FASN: variants seen among roughly 807,000 people sequenced by gnomAD.
The protein encoded by FASN is 3-hydroxyacyl-[acyl-carrier-protein] dehydratase.
FASN carries 50 observed loss-of-function variants against 250.0 expected under a neutral mutation model. That is an observed-to-expected ratio of 0.20 (90% CI 0.16 to 0.25). The LOEUF (loss-of-function observed/expected upper bound fraction) is 0.25, where lower values mean the gene tolerates loss of function less well. Among genes scored for constraint, FASN ranks in the 10% least tolerant of loss-of-function variants. FASN has a pLI of 1.00. For missense variants in FASN, 3,031 were observed against 3,498.5 expected, an observed-to-expected ratio of 0.87 and a Z score of 3.37; for synonymous variants, 1,909 against 1,584.0, an observed-to-expected ratio of 1.21 and a Z score of -4.87.
rs1206855816 is a variant in FASN at position 82,089,233 on chromosome 17, A to AG, written c.2100+16dup. On this transcript the variant is annotated intron_variant, in intron 13 of 42. Coordinates refer to ENST00000306749, the MANE Select transcript of FASN (RefSeq NM_004104.5). Reference sequence around the variant, plus strand: ...TCCCCTGGCCCGCCCCGCACCCCCCAGGCCGTATTAGTCCACCTTCTTGAG... The same window carrying AG: ...TCCCCTGGCCCGCCCCGCACCCCCCAGGGCCGTATTAGTCCACCTTCTTGAG... 5 of 1,611,768 alleles carry AG rather than the reference A, an allele frequency of 3.1e-6. No individual in the cohort carries two copies. Among genetic ancestry groups the AG allele is most frequent in the Non-Finnish European group, 4.2e-6 (5 of 1,179,580 alleles).
chr17:82,087,749 C>T lies in FASN; in HGVS notation c.2979G>A (p.Glu993=). The T allele has an allele frequency of 6.2e-7, 1 of 1,612,532 alleles. No individual in the cohort carries two copies. The highest frequency in any genetic ancestry group is 8.5e-7 in the Non-Finnish European group (1 of 1,179,998). Residue 993 remains glutamate, a synonymous_variant, in exon 19 of 43, where the codon GAG becomes GAA. Coordinates refer to ENST00000306749, the MANE Select transcript of FASN (RefSeq NM_004104.5). ...CGTAGTCGTAGCCACGCAGACGCAG[C>T]TCCTTGTAAACTTCAGCCTGGGCCA... ...LFLAQAEVYK[E]LRLRGYDYGP... is the part of the protein sequence containing the mutation.
intron 8 of FASN, among the ~76,000 whole-genome samples, chr17:82,092,198 C>T (rs909557090): frequency 6.6e-6 from 1 of 152,188 alleles, no homozygotes; most frequent in Admixed American, 6.5e-5. Flanking sequence ...GCTCCTCCAG[C>T]TCGGCTCCGT....
intron 15 of FASN, 57 bp from the exon 16 acceptor site, chr17:82,088,619 G>A (rs2144797311): frequency 1.3e-6 from 2 of 1,572,566 alleles, no homozygotes; most frequent in East Asian, 2.3e-5. Context: ...GGGGCTCTGG[G>A]TTCAGCCCAC....
At chr17:82,086,960 C>G in intron 21 of FASN, 90 bp downstream of exon 21, 1 of 1,476,474 alleles carries the variant, frequency 6.8e-7, no homozygotes, top group Non-Finnish European at 9.3e-7. Context: ...AAGGGGGCCC[C>G]GTGGAGAAGC....
At chr17:82,086,945 C>T in intron 21 of FASN, 105 bp downstream of exon 21, 1 of 1,341,536 alleles carries the variant, frequency 7.5e-7, no homozygotes, top group Non-Finnish European at 1.0e-6. Flanking sequence ...GGGTTGCTGA[C>T]CCCAAAGGGG....
rs2034017311 is a variant in FASN at position 82,082,933 on chromosome 17, A to G, written c.5748T>C (p.Ser1916=). The G allele has an allele frequency of 2.5e-6, 4 of 1,612,642 alleles. No homozygotes were observed. The highest frequency in any genetic ancestry group is 3.4e-6 in the Non-Finnish European group (4 of 1,179,966). Residue 1916 remains serine (S), a synonymous_variant, in exon 33 of 43, where the codon TCT becomes TCC. Coordinates refer to ENST00000306749, the MANE Select transcript of FASN (RefSeq NM_004104.5). ...ACTCACCTGTCCGGATCCCGGAGCG[A>G]GAAGTCAACACGAGCTTCTGCACCC... ...QRGVQKLVLT[S]RSGIRTGYQA...
Position 82,090,534 on chromosome 17 carries a change from C to T in FASN, c.1711G>A (p.Gly571Arg), listed in dbSNP as rs770510226. 2 of 1,612,028 alleles carry T rather than the reference C, an allele frequency of 1.2e-6. No homozygotes were observed. Among genetic ancestry groups the T allele is most frequent in the Non-Finnish European group, 1.7e-6 (2 of 1,179,650 alleles). The change falls in exon 11 of 43, where the codon GGG (glycine) becomes AGG (arginine). Residue 571 changes from glycine (G) to arginine (R), a missense_variant. Physicochemically the swap from Gly to Arg is moderately radical, Grantham distance 125. Coordinates refer to ENST00000306749, the MANE Select transcript of FASN (RefSeq NM_004104.5). ...IGLIDLLSCM[G>R]LRPDGIVGHS... is the part of the protein sequence containing the mutation. ...CCGACGATGCCATCTGGCCTCAGCC[C>T]CATGCAGCTCAGCAGGTCTATGAGG...
Position 82,083,469 on chromosome 17 carries a change from A to T in FASN, c.5342-44T>A, listed in dbSNP as rs370628658. ...CTCACCCAGGGCCTTCCACAGGTCC[A>T]CCCACACCCATCCATGCCCACCCCC... On this transcript the variant is annotated intron_variant, in intron 31 of 42. Transcript: ENST00000306749. 5.0e-6 allele frequency: 8 copies of T among 1,612,506 alleles called. No homozygotes were observed. The African/African-American group carries it at 1.1e-4, about 22-fold the overall frequency.
At chr17:82,089,195 G>A in intron 13 of FASN, 23 bp from the exon 14 acceptor site, 1 of 1,600,240 alleles carries the variant, frequency 6.2e-7, no homozygotes, top group Non-Finnish European at 8.5e-7. Flanking sequence ...CCAGGTCAGT[G>A]CTGGGTTGTG....
Position 82,095,412 on chromosome 17 carries a change from G to C in FASN, c.188C>G (p.Ser63Cys). ...KLKDLSRFDA[S>C]FFGVHPKQAH... ...CTGCTTGGGGTGGACTCCGAAGAAG[G>C]AGGCATCAAACCTAGACAGGTCCTT... is the stretch of plus-strand genomic sequence containing the variant. Residue 63 changes from serine (S) to cysteine (C), a missense_variant, in exon 3 of 43, where the codon TCC (serine) becomes TGC (cysteine). Ser to Cys is a moderately radical substitution (Grantham distance 112). Coordinates refer to ENST00000306749, the MANE Select transcript of FASN (RefSeq NM_004104.5). 6.2e-7 allele frequency: 1 copy of C among 1,613,000 alleles called. No individual in the cohort carries two copies. The highest frequency in any genetic ancestry group is 8.5e-7 in the Non-Finnish European group (1 of 1,180,012).
At chr17:82,095,819 C>T (rs1366000214) in intron 2 of FASN, among the ~76,000 whole-genome samples, 1 of 152,234 alleles carries the variant, frequency 6.6e-6, no homozygotes, top group East Asian at 1.9e-4. Context: ...TAGAGCTGCT[C>T]TGTGGAAGAG....
At chr17:82,083,745 C>T (rs922316710) in intron 30 of FASN, 27 bp downstream of exon 30, 36 of 1,610,896 alleles carry the variant, frequency 2.2e-5, no homozygotes, top group Non-Finnish European at 3.1e-5. Context: ...AGGCAGGAGG[C>T]AGGTGGGGGC....
chr17:82,094,439 G>A (rs1295303777), intron 3 of FASN, among the ~76,000 whole-genome samples: 2 of 151,754 alleles, frequency 1.3e-5, no homozygotes, highest in East Asian at 2.0e-4. Context: ...GGCAGCCCAG[G>A]GCTCAGCCTC....
chr17:82,094,096 G>A (rs907561819), intron 3 of FASN: 22 of 459,382 alleles, frequency 4.8e-5, no homozygotes, highest in African/African-American at 4.4e-4. Flanking sequence ...ACAGAGGGCA[G>A]CATTGTCCCC....
chr17:82,082,969 C>A lies in FASN; in HGVS notation c.5712G>T (p.Leu1904=), dbSNP rs180829252. The A allele has an allele frequency of 6.2e-6, 10 of 1,612,898 alleles. No homozygotes were observed. The East Asian group carries it at 2.0e-4, about 32-fold the overall frequency. Residue 1904 remains leucine (L), a synonymous_variant, in exon 33 of 43, where the codon CTG becomes CTT. Transcript: ENST00000306749. ...CGAGCTTCTGCACCCCACGCTGTAT[C>A]AGCCACTGCGCCAACTCCAGGCCGA... is the stretch of plus-strand genomic sequence containing the variant. ...GGFGLELAQW[L]IQRGVQKLVL... is the part of the protein sequence containing the mutation.
intron 3 of FASN, chr17:82,094,308 C>G (rs2034267636): frequency 5.1e-6 from 1 of 196,214 alleles, no homozygotes; most frequent in African/African-American, 2.4e-5. Context: ...GGGGTGGGGT[C>G]TGGCAGCAGG....
Position 82,085,036 on chromosome 17 carries a change from G to A in FASN, c.4408C>T (p.Arg1470Trp). Residue 1470 changes from arginine (R) to tryptophan (W), a missense_variant and splice_region_variant, in exon 25 of 43, where the codon CGG becomes TGG. Coordinates refer to ENST00000306749, the MANE Select transcript of FASN (RefSeq NM_004104.5). ...AGTGGTGAGGGGCCGTGCTCCTACC[G>A]GAGGCGGTTCCCGCCGGGCTCTCGG... ...LRREPGGNRL[R>W]CVLLSNLSST... is the part of the protein sequence containing the mutation. 1 of 1,609,690 alleles carries A rather than the reference G, an allele frequency of 6.2e-7. No homozygotes were observed.
At chr17:82,095,881 C>T (rs1368053390) in intron 2 of FASN, among the ~76,000 whole-genome samples, 1 of 152,232 alleles carries the variant, frequency 6.6e-6, no homozygotes, top group African/African-American at 2.4e-5. Flanking sequence ...ATCTGGTATG[C>T]AACCTCCCAG....
rs1192183362 is a variant in FASN at position 82,091,699 on chromosome 17, G to A, written c.1030-15C>T. ...GACAGCAGCACCTGCGGGGGTACGTGGTGGATGGGCAGCCGCCCCACTCCC... is the reference window on the plus strand; with the variant it reads ...GACAGCAGCACCTGCGGGGGTACGTAGTGGATGGGCAGCCGCCCCACTCCC... On this transcript the variant is annotated splice_polypyrimidine_tract_variant and intron_variant, in intron 8 of 42. Transcript: ENST00000306749. 1 of 1,556,776 alleles carries A rather than the reference G, an allele frequency of 6.4e-7. No individual in the cohort carries two copies. Among genetic ancestry groups the A allele is most frequent in the Admixed American group, 1.9e-5 (1 of 51,592 alleles).
Sources: allele counts gnomAD v4.1 joint callset (sites outside exome capture counted in the v4.1 genomes callset), GRCh38; gene constraint gnomAD v4.1.1; transcripts MANE v1.5; gene names NCBI Gene and HGNC (gene_info 2026-07-23, HGNC 2026-07-21).